LRP5: variants seen among roughly 807,000 people sequenced by gnomAD.
LRP5 encodes low-density lipoprotein receptor-related protein 5.
Under a neutral mutation model 154.1 loss-of-function variants are expected in LRP5, and 62 were observed. The observed-to-expected ratio is 0.40, with a 90% CI of 0.33 to 0.50. The LOEUF (loss-of-function observed/expected upper bound fraction) is 0.50, where lower values mean the gene tolerates loss of function less well. LRP5 is among the 20% of genes least tolerant of loss of function. LRP5 has a pLI of 0.55. For missense variants in LRP5, 1,915 were observed against 2,336.7 expected, an observed-to-expected ratio of 0.82 and a Z score of 3.72; for synonymous variants, 966 against 1,011.5, an observed-to-expected ratio of 0.96 and a Z score of 0.85.
chr11:68,342,280 A>T (rs1235278971), intron 1 of LRP5, among the ~76,000 whole-genome samples: 1 of 151,278 alleles, frequency 6.6e-6, no homozygotes, highest in Non-Finnish European at 1.5e-5. Context: ...TGCTCCTGCC[A>T]CGTTCTCCCC....
intron 1 of LRP5, among the ~76,000 whole-genome samples, chr11:68,337,217 T>C (rs748482832): frequency 2.6e-5 from 4 of 152,266 alleles, no homozygotes; most frequent in Middle Eastern, 3.4e-3. Context: ...ATCATGCCGA[T>C]GCGGGGTGGA....
chr11:68,364,358 A>ATGTGTGTG (rs113821152), intron 4 of LRP5, among the ~76,000 whole-genome samples: 2,989 of 145,490 alleles, frequency 0.021, 34 homozygotes, highest in Middle Eastern at 0.039. Flanking sequence ...ATACATATAT[A>ATGTGTGTG]TGTGTGTGTG....
At chr11:68,426,512 C>T (rs1218438531) in intron 16 of LRP5, among the ~76,000 whole-genome samples, 4 of 150,972 alleles carry the variant, frequency 2.6e-5, no homozygotes, top group African/African-American at 9.8e-5. Context: ...GCAGCCTCGA[C>T]CTCTGGGCTT....
chr11:68,431,231 CTTTTTTTTTTTTTT>C (rs34840282), intron 17 of LRP5, among the ~76,000 whole-genome samples: 2 of 92,966 alleles, frequency 2.2e-5, no homozygotes, highest in African/African-American at 8.7e-5. Context: ...GCTGTGCACC[CTTTTTTTTTTTTTT>C]TTTTTTTTTT....
In LRP5 at chr11:68,430,109, T is replaced by C. The variant is rs376590398; in HGVS notation, c.3763+409T>C. ...AGCTTATTTTATATGATTTCTGTTA[T>C]TTTAAATGTGTTGGGTGTGGTGTTT... On this transcript the variant is annotated intron_variant, in intron 17 of 22. Transcript: ENST00000294304. Among the ~76,000 whole-genome samples the C allele has an allele frequency of 2.0e-5, 3 of 152,210 alleles. No individual in the cohort carries two copies. The East Asian group carries it at 5.8e-4, about 29-fold the overall frequency.
intron 5 of LRP5, among the ~76,000 whole-genome samples, chr11:68,381,815 T>G (rs1383139377): frequency 1.3e-5 from 2 of 152,128 alleles, no homozygotes; most frequent in African/African-American, 2.4e-5. Flanking sequence ...CACCTGCCCC[T>G]CCCAACCCCA....
At chr11:68,419,674 C>T (rs1383265868) in intron 13 of LRP5, among the ~76,000 whole-genome samples, 2 of 151,806 alleles carry the variant, frequency 1.3e-5, no homozygotes, top group East Asian at 3.9e-4. Context: ...TCCCGAGTAG[C>T]TGGGATTACA....
intron 19 of LRP5, 126 bp downstream of exon 19, chr11:68,437,125 G>A: frequency 2.6e-6 from 2 of 783,430 alleles, no homozygotes; most frequent in Admixed American, 2.1e-5. Flanking sequence ...AGGCGGCTGG[G>A]AGGCTCCTTG....
In LRP5 at chr11:68,413,525, C is replaced by T. The variant is rs542559482; in HGVS notation, c.2504-164C>T. Among the ~76,000 whole-genome samples, 4 of 152,154 alleles carry T rather than the reference C, an allele frequency of 2.6e-5. No homozygotes were observed. Among genetic ancestry groups the T allele is most frequent in the East Asian group, 3.9e-4 (2 of 5,184 alleles). ...ACTTAATTTTGCTAGATCCTGCCTG[C>T]GCTTCAGTGGATCTTGCTGGTTTTC... On this transcript the variant is annotated intron_variant, in intron 11 of 22. Coordinates refer to ENST00000294304, the MANE Select transcript of LRP5 (RefSeq NM_002335.4). This position sits in a 1 kb window ranked among gnomAD's most constrained non-coding sequence, Gnocchi z 5.1.
intron 1 of LRP5, among the ~76,000 whole-genome samples, chr11:68,343,795 G>A (rs944822209): frequency 2.0e-5 from 3 of 152,256 alleles, no homozygotes; most frequent in East Asian, 1.9e-4. Context: ...CATCCTGGGC[G>A]TGATTCCTGT....
Position 68,423,665 on chromosome 11 carries a change from G to A in LRP5, c.3204G>A (p.Lys1068=), listed in dbSNP as rs2153173106. ...TGGTGCTGCGTGGGGACCGCGACAAGCCCAGGGCCATCGTCGTCAACGCGG... is the reference window on the plus strand; with the variant it reads ...TGGTGCTGCGTGGGGACCGCGACAAACCCAGGGCCATCGTCGTCAACGCGG... The part of the protein sequence containing the change: ...MGVVLRGDRD[K]PRAIVVNAER... The change falls in exon 14 of 23, where the codon AAG becomes AAA. Residue 1068 remains lysine (K), a synonymous_variant. Transcript: ENST00000294304. The surrounding 1 kb of genome is among the most constrained non-coding windows in gnomAD (Gnocchi z 4.7). The A allele has an allele frequency of 1.2e-6, 2 of 1,613,698 alleles. No individual in the cohort carries two copies. Among genetic ancestry groups the A allele is most frequent in the Non-Finnish European group, 1.7e-6 (2 of 1,179,978 alleles).
intron 1 of LRP5, among the ~76,000 whole-genome samples, chr11:68,347,229 T>G (rs1323061280): frequency 6.6e-6 from 1 of 152,060 alleles, no homozygotes; most frequent in African/African-American, 2.4e-5. Flanking sequence ...ACCCTTTAAA[T>G]GTAGGAATGT....
In LRP5 at chr11:68,439,790, A is replaced by T. The variant is rs779060093; in HGVS notation, c.4362A>T (p.Gly1454=). 13 of 1,611,542 alleles carry T rather than the reference A, an allele frequency of 8.1e-6. No homozygotes were observed. Among genetic ancestry groups the T allele is most frequent in the Non-Finnish European group, 1.1e-5 (13 of 1,179,576 alleles). Residue 1454 remains glycine, a synonymous_variant, in exon 21 of 23, where the codon GGA becomes GGT. Transcript: ENST00000294304. ...CTTCCCTGCCAGGCATCGCATGCGG[A>T]AAGTCCATGATGAGCTCCGTGAGCC... ...QHGPFTGIAC[G]KSMMSSVSLM...
At chr11:68,299,903 T>C in the LRP5 span, among the ~76,000 whole-genome samples, 1 of 148,698 alleles carries the variant, frequency 6.7e-6, no homozygotes, top group Non-Finnish European at 1.5e-5. Flanking sequence ...TATTTGTTTG[T>C]TTGTTTGTTT....
chr11:68,436,964 C>T lies in LRP5; in HGVS notation c.4076C>T (p.Pro1359Leu). 1 of 1,613,878 alleles carries T rather than the reference C, an allele frequency of 6.2e-7. No individual in the cohort carries two copies. Among genetic ancestry groups the T allele is most frequent in the Non-Finnish European group, 8.5e-7 (1 of 1,179,968 alleles). Reference protein sequence around the residue: ...VLIKQQCDSFPDCIDGSDELM... With the variant: ...VLIKQQCDSFLDCIDGSDELM... ...ATCAAACAGCAGTGCGACTCCTTCCCCGACTGTATCGACGGCTCCGACGAG... is the reference window on the plus strand; with the variant it reads ...ATCAAACAGCAGTGCGACTCCTTCCTCGACTGTATCGACGGCTCCGACGAG... Residue 1359 changes from proline to leucine, a missense_variant, in exon 19 of 23, where the codon CCC becomes CTC. Coordinates refer to ENST00000294304, the MANE Select transcript of LRP5 (RefSeq NM_002335.4).
chr11:68,301,174 C>T, the LRP5 span, among the ~76,000 whole-genome samples: 63 of 149,316 alleles, frequency 4.2e-4, 1 homozygote, highest in African/African-American at 1.5e-3. Flanking sequence ...TCAGGTGATC[C>T]GCCTACCTTG....
At chr11:68,445,219 C>T (rs2098680758) in intron 21 of LRP5, among the ~76,000 whole-genome samples, 1 of 152,168 alleles carries the variant, frequency 6.6e-6, no homozygotes, top group South Asian at 2.1e-4. Flanking sequence ...CCCACCTCAG[C>T]CTCCCAAGTA....
At chr11:68,327,075 C>T (rs1316146415) in intron 1 of LRP5, among the ~76,000 whole-genome samples, 2 of 152,176 alleles carry the variant, frequency 1.3e-5, no homozygotes, top group South Asian at 2.1e-4. Context: ...CAAGCTGTGC[C>T]GCCCGTCCCT....
At chr11:68,343,763 C>T (rs565115472) in intron 1 of LRP5, among the ~76,000 whole-genome samples, 124 of 152,274 alleles carry the variant, frequency 8.1e-4, no homozygotes, top group African/African-American at 2.0e-3. Flanking sequence ...GCTTCCGTCT[C>T]GGAAGGCCCC....
Sources: gnomAD v4.1 joint callset for allele counts (sites outside exome capture counted in the v4.1 genomes callset) on GRCh38, gnomAD v4.1.1 for gene constraint, Gnocchi (gnomAD v3.1) non-coding constraint, MANE v1.5 for transcripts, NCBI Gene and HGNC (gene_info 2026-07-23, HGNC 2026-07-21) for gene names.